The following ZMYM1 variants were observed in gnomAD, a reference collection of about 807,000 sequenced individuals.
ZMYM1 encodes zinc finger MYM-type protein 1.
In ZMYM1, 39 loss-of-function variants were observed where a neutral mutation model predicts 60.0. That is an observed-to-expected ratio of 0.65 (90% CI 0.50 to 0.85). The LOEUF (loss-of-function observed/expected upper bound fraction) is 0.85. Among genes scored for constraint, ZMYM1 ranks in the 40% least tolerant of loss-of-function variants. ZMYM1 has a pLI of 0.00. For synonymous variants in ZMYM1, 413 were observed against 454.0 expected (o/e 0.91, Z 1.15); for missense variants, 1,171 against 1,309.5 (o/e 0.89, Z 1.63).
chr1:35,081,096 A>G (rs2148487562), intron 1 of ZMYM1, among the ~76,000 whole-genome samples: 1 of 151,934 alleles, frequency 6.6e-6, no homozygotes, highest in African/African-American at 2.4e-5. Context: ...ACACCTGGCT[A>G]ATTTTTGTTT....
Position 35,063,515 on chromosome 1 carries a change from TG to T in ZMYM1, c.-301+3592del, listed in dbSNP as rs1295493554. Among the ~76,000 whole-genome samples, 6 of 152,084 alleles carry T rather than the reference TG, an allele frequency of 3.9e-5. No individual in the cohort carries two copies. In the South Asian group the frequency reaches 1.2e-3, roughly 32 times the overall value. On this transcript the variant is annotated intron_variant, in intron 1 of 10. Transcript: ENST00000417119. The stretch of plus-strand genomic sequence containing the variant: ...TGGGGTCTCACCATGTTGCCCAGGC[TG>T]GTTCTAGAACTCCTGGCCTCAAGCA...
Position 35,114,885 on chromosome 1 carries a change from C to G in ZMYM1, c.3055C>G (p.Leu1019Val). 1 of 1,608,216 alleles carries G rather than the reference C, an allele frequency of 6.2e-7. No individual in the cohort carries two copies. The highest frequency in any genetic ancestry group is 8.5e-7 in the Non-Finnish European group (1 of 1,176,204). The change falls in exon 10 of 10, where the codon CTT becomes GTT. Residue 1019 changes from leucine (L) to valine (V), a missense_variant. Transcript: ENST00000359858. The stretch of plus-strand genomic sequence containing the variant: ...AAAACATGTTCAGGAATTTTATAAA[C>G]TTGATGAGGACATTATCCCAGAACT... The part of the protein sequence containing the change: ...TAKHVQEFYK[L>V]DEDIIPELRF...
intron 1 of ZMYM1, among the ~76,000 whole-genome samples, chr1:35,061,579 A>G (rs981563284): frequency 5.9e-5 from 9 of 151,900 alleles, no homozygotes; most frequent in Non-Finnish European, 1.2e-4. Context: ...GATCAAGACC[A>G]TCCTGGCTAA....
rs1643392373 is a variant in ZMYM1, at chr1:35,097,375, G to A, written c.228G>A (p.Met76Ile). The A allele has an allele frequency of 6.2e-7, 1 of 1,613,974 alleles. No individual in the cohort carries two copies. The highest frequency in any genetic ancestry group is 8.5e-7 in the Non-Finnish European group (1 of 1,179,966). Residue 76 changes from methionine (M) to isoleucine (I), a missense_variant, in exon 4 of 10, where the codon ATG becomes ATA. By Grantham distance (10) the Met-to-Ile change is conservative. Coordinates refer to ENST00000359858, the MANE Select transcript of ZMYM1 (RefSeq NM_024772.5). ...TGGCATCATCTGGCGTGAATAAAAT[G>A]CTTCCTTCAGTTTCAACCACAGCTA... ...LSLASSGVNKMLPSVSTTAIQ... is the reference protein window; with the variant it reads ...LSLASSGVNKILPSVSTTAIQ...
At chr1:35,080,377 AC>A (rs1188747134) in intron 1 of ZMYM1, among the ~76,000 whole-genome samples, 1 of 146,582 alleles carries the variant, frequency 6.8e-6, no homozygotes, top group African/African-American at 2.6e-5. Flanking sequence ...GTGCAGTGAC[AC>A]GATCACGGCT....
Position 35,114,324 on chromosome 1 carries a change from G to A in ZMYM1, c.2494G>A (p.Val832Ile), listed in dbSNP as rs772066390. 2 of 1,613,574 alleles carry A rather than the reference G, an allele frequency of 1.2e-6. No individual in the cohort carries two copies. Among genetic ancestry groups the A allele is most frequent in the Non-Finnish European group, 1.7e-6 (2 of 1,179,778 alleles). ...SLPEIIETLE[V>I]IASHSSNTSF... ...TCCAGAGATTATTGAAACATTGGAA[G>A]TTATAGCAAGCCATTCTTCAAATAC... Residue 832 changes from valine to isoleucine, a missense_variant, in exon 10 of 10, where the codon GTT becomes ATT. Val to Ile is a conservative substitution (Grantham distance 29, BLOSUM62 3). Coordinates refer to ENST00000359858, the MANE Select transcript of ZMYM1 (RefSeq NM_024772.5).
intron 1 of ZMYM1, among the ~76,000 whole-genome samples, chr1:35,089,175 G>A (rs1642850535): frequency 6.6e-6 from 1 of 151,986 alleles, no homozygotes; most frequent in South Asian, 2.1e-4. Context: ...AAAGCTCATA[G>A]GTACTTTGTT....
chr1:35,114,435 C>A lies in ZMYM1; in HGVS notation c.2605C>A (p.Leu869Met). 1 of 1,613,464 alleles carries A rather than the reference C, an allele frequency of 6.2e-7. No homozygotes were observed. The highest frequency in any genetic ancestry group is 8.5e-7 in the Non-Finnish European group (1 of 1,179,722). The change falls in exon 10 of 10, where the codon CTG (leucine) becomes ATG (methionine). Residue 869 changes from leucine (L) to methionine (M), a missense_variant. Transcript: ENST00000359858. ...TTGTTTGAAATTCCTGTATCGAGTG[C>A]TGAGTGTTACAGGAATTCTTTCCAA... is the stretch of plus-strand genomic sequence containing the variant. ...VFCLKFLYRV[L>M]SVTGILSKEL...
chr1:35,090,283 A>G (rs181909374), intron 1 of ZMYM1, among the ~76,000 whole-genome samples: 10 of 152,198 alleles, frequency 6.6e-5, no homozygotes, highest in African/African-American at 2.2e-4. Context: ...AGGAAGGGAA[A>G]GGGTTCCAAA....
At chr1:35,107,754 G>A (rs970835814) in intron 6 of ZMYM1, among the ~76,000 whole-genome samples, 10 of 152,326 alleles carry the variant, frequency 6.6e-5, no homozygotes, top group African/African-American at 2.4e-4. Context: ...TTGGCCATAT[G>A]TTAATAGAAT....
At position 35,115,257 on chromosome 1, in the gene ZMYM1, T is replaced by C. The variant is rs1021259806; in HGVS notation, c.3427T>C (p.Ter1143GlnextTer5). 6.4e-7 allele frequency: 1 copy of C among 1,572,380 alleles called. No homozygotes were observed. The highest frequency in any genetic ancestry group is 8.6e-7 in the Non-Finnish European group (1 of 1,165,530). The part of the protein sequence containing the change: ...EKFISQMKEI[*>Q] ...GTTTATCAGTCAGATGAAAGAAATA[T>C]AATACATGCTCATTTGAACTTACCT... is the stretch of plus-strand genomic sequence containing the variant. Residue 1143 changes from the stop codon to glutamine, a stop_lost, in exon 10 of 10, where the codon TAA becomes CAA. Coordinates refer to ENST00000359858, the MANE Select transcript of ZMYM1 (RefSeq NM_024772.5).
In ZMYM1 at chr1:35,115,070, A is replaced by C. The variant is rs545371063; in HGVS notation, c.3240A>C (p.Ser1080=). 7 of 1,614,108 alleles carry C rather than the reference A, an allele frequency of 4.3e-6. No homozygotes were observed. The African/African-American group carries it at 9.3e-5, about 22-fold the overall frequency. Residue 1080 remains serine, a synonymous_variant, in exon 10 of 10, where the codon TCA becomes TCC. Coordinates refer to ENST00000359858, the MANE Select transcript of ZMYM1 (RefSeq NM_024772.5). ...LYIALSWPIT[S]ASTENSFSTL... is the part of the protein sequence containing the mutation. ...TTGCTTTGTCTTGGCCAATTACTTC[A>C]GCAAGTACTGAGAACTCATTTTCTA...
chr1:35,107,183 G>A (rs186977215), intron 6 of ZMYM1, among the ~76,000 whole-genome samples: 10 of 149,452 alleles, frequency 6.7e-5, no homozygotes, highest in Admixed American at 5.3e-4. Flanking sequence ...CCTATATGCC[G>A]GGCACGGTGG....
intron 1 of ZMYM1, among the ~76,000 whole-genome samples, chr1:35,062,161 A>G (rs898813708): frequency 6.6e-6 from 1 of 152,090 alleles, no homozygotes; most frequent in African/African-American, 2.4e-5. Context: ...TAAAGCGTCA[A>G]TTATTCGCAT....
chr1:35,078,812 G>C (rs866952473), upstream of ZMYM1, among the ~76,000 whole-genome samples: 22 of 152,022 alleles, frequency 1.4e-4, no homozygotes, highest in South Asian at 6.2e-4. Flanking sequence ...GCCTCCCAAA[G>C]TGCTGGAATT....
In ZMYM1 at chr1:35,095,898, G is replaced by T. The variant is rs776793968; in HGVS notation, c.169+7G>T. 1.9e-6 allele frequency: 3 copies of T among 1,586,452 alleles called. No homozygotes were observed. Among genetic ancestry groups the T allele is most frequent in the Admixed American group, 1.7e-5 (1 of 59,522 alleles). On this transcript the variant is annotated splice_region_variant and intron_variant, in intron 3 of 9. Coordinates refer to ENST00000359858, the MANE Select transcript of ZMYM1 (RefSeq NM_024772.5). ...GCTGTGTTTTCAGAGAGTGGTAATA[G>T]AATTATTTAAGTTAGTTATGTTTAT... is the stretch of plus-strand genomic sequence containing the variant.
At chr1:35,088,434 G>GTATATATATATATATA (rs58346528) in intron 1 of ZMYM1, among the ~76,000 whole-genome samples, 38 of 68,024 alleles carry the variant, frequency 5.6e-4, no homozygotes, top group Admixed American at 1.1e-3. Flanking sequence ...GTGTTTATGT[G>GTATATATATATATATA]TATATATATA....
chr1:35,111,957 A>G (rs774239454), intron 8 of ZMYM1, 45 bp downstream of exon 8: 1 of 1,561,090 alleles, frequency 6.4e-7, no homozygotes, highest in South Asian at 1.2e-5. Context: ...TTGTTTTGTC[A>G]TACTTGATAA....
At chr1:35,117,119 C>G (rs1432797635), downstream of ZMYM1, among the ~76,000 whole-genome samples, 2 of 125,050 alleles carry the variant, frequency 1.6e-5, no homozygotes, top group Non-Finnish European at 3.6e-5. Flanking sequence ...GCGTGAGCCA[C>G]CGCGCCCGGC....
Sources: gnomAD v4.1 joint callset for allele counts (sites outside exome capture counted in the v4.1 genomes callset) on GRCh38, gnomAD v4.1.1 for gene constraint, MANE v1.5 for transcripts, NCBI Gene and HGNC (gene_info 2026-07-23, HGNC 2026-07-21) for gene names.